COL4A4: variants seen among roughly 807,000 people sequenced by gnomAD.
COL4A4 encodes the protein collagen type IV alpha 4 chain, also known as collagen alpha-4(IV) chain.
In COL4A4, 105 loss-of-function variants were observed where a neutral mutation model predicts 192.9. That is an observed-to-expected ratio of 0.54 (90% CI 0.46 to 0.64). COL4A4 has a LOEUF of 0.64. COL4A4 is among the 30% of genes least tolerant of loss of function. COL4A4 has a pLI of 0.00. For synonymous variants in COL4A4, 762 were observed against 769.9 expected (o/e 0.99, Z 0.17); for missense variants, 1,967 against 2,169.3 (o/e 0.91, Z 1.85).
intron 29 of COL4A4, among the ~76,000 whole-genome samples, chr2:227,056,484 G>A (rs761005965): frequency 4.6e-5 from 7 of 152,140 alleles, no homozygotes; most frequent in East Asian, 3.9e-4. Context: ...AGTCAGAGCC[G>A]GTGTCTAACA....
intron 19 of COL4A4, among the ~76,000 whole-genome samples, chr2:227,097,491 A>G (rs146440676): frequency 6.5e-4 from 99 of 152,294 alleles, no homozygotes; most frequent in Non-Finnish European, 1.2e-3. Context: ...TATTGGGTTA[A>G]TTTATTTTTT....
chr2:226,997,428 T>A, the COL4A4 span: 1 of 152,174 alleles, frequency 6.6e-6, no homozygotes, highest in East Asian at 1.9e-4. Context: ...TACACAAAGG[T>A]GTGCCTTCTA....
intron 25 of COL4A4, among the ~76,000 whole-genome samples, chr2:227,072,044 C>T (rs2058752004): frequency 6.6e-6 from 1 of 151,672 alleles, no homozygotes; most frequent in South Asian, 2.1e-4. Context: ...TAACAAAGAT[C>T]AGACTGAACC....
chr2:227,002,168 CAAAA>C (rs55908824), downstream of COL4A4, among the ~76,000 whole-genome samples: 15 of 76,162 alleles, frequency 2.0e-4, no homozygotes, highest in South Asian at 5.4e-4. Context: ...GACCCTGTCT[CAAAA>C]AAAAAAAAAA....
intron 28 of COL4A4, 122 bp from the exon 29 acceptor site, chr2:227,057,722 T>C (rs1975826234): frequency 1.9e-6 from 2 of 1,050,870 alleles, no homozygotes; most frequent in Admixed American, 2.0e-5. Context: ...AGTGTTCAAA[T>C]GGGTTAAGTC....
chr2:227,140,307 T>C, intron 3 of COL4A4, 69 bp from the exon 4 acceptor site: 1 of 1,280,194 alleles, frequency 7.8e-7, no homozygotes, highest in Non-Finnish European at 1.1e-6. Flanking sequence ...ACACATACAT[T>C]ATAACAAGCA....
At chr2:227,111,016 GA>G (rs2061173894) in intron 9 of COL4A4, among the ~76,000 whole-genome samples, 2 of 152,148 alleles carry the variant, frequency 1.3e-5, no homozygotes. Flanking sequence ...TGTAAACATC[GA>G]AAAACTGGAA....
chr2:227,093,042 A>G (rs913689055), intron 20 of COL4A4, among the ~76,000 whole-genome samples: 4 of 152,182 alleles, frequency 2.6e-5, no homozygotes, highest in African/African-American at 9.7e-5. Context: ...TATCCATACC[A>G]TGCCTTGTAG....
intron 4 of COL4A4, among the ~76,000 whole-genome samples, chr2:227,122,851 T>A (rs2061871890): frequency 6.6e-6 from 1 of 151,808 alleles, no homozygotes. Flanking sequence ...TGTCACTTTG[T>A]TTATTTTTAT....
intron 25 of COL4A4, among the ~76,000 whole-genome samples, chr2:227,064,983 A>T (rs1421364617): frequency 3.3e-5 from 5 of 152,220 alleles, no homozygotes; most frequent in Non-Finnish European, 5.9e-5. Context: ...TACCGGGTTC[A>T]TCTCACTAGG....
chr2:226,977,346 T>C, the COL4A4 span, among the ~76,000 whole-genome samples: 1 of 152,214 alleles, frequency 6.6e-6, no homozygotes, highest in Admixed American at 6.5e-5. Context: ...TTTTCAGCCT[T>C]GTCTGCCCCA....
chr2:226,995,039 C>A, the COL4A4 span, among the ~76,000 whole-genome samples: 1 of 151,844 alleles, frequency 6.6e-6, no homozygotes, highest in African/African-American at 2.4e-5. Context: ...TCAGAAGAAG[C>A]CAAACCAGCC....
intron 1 of COL4A4, among the ~76,000 whole-genome samples, chr2:227,159,020 G>T (rs2064586771): frequency 6.6e-6 from 1 of 152,144 alleles, no homozygotes; most frequent in Admixed American, 6.5e-5. Flanking sequence ...AATATTCATA[G>T]TAGCTTGATT....
the COL4A4 span, among the ~76,000 whole-genome samples, chr2:226,978,049 C>CCTTTAGAT: frequency 6.6e-6 from 1 of 152,118 alleles, no homozygotes; most frequent in African/African-American, 2.4e-5. Context: ...GGTGTAGTGT[C>CCTTTAGAT]CTCACTGGAG....
intron 4 of COL4A4, among the ~76,000 whole-genome samples, chr2:227,132,995 C>T (rs2062579632): frequency 6.6e-6 from 1 of 152,076 alleles, no homozygotes; most frequent in Non-Finnish European, 1.5e-5. Flanking sequence ...TTCTATTTTC[C>T]TATATAGTAG....
intron 14 of COL4A4, 97 bp downstream of exon 14, chr2:227,103,047 G>A (rs1417820307): frequency 8.7e-7 from 1 of 1,153,406 alleles, no homozygotes; most frequent in Non-Finnish European, 1.3e-6. Context: ...ATATATATTA[G>A]CACTTAAAGC....
At chr2:227,012,971 CTT>C (rs1274779677) in intron 44 of COL4A4, among the ~76,000 whole-genome samples, 4 of 152,198 alleles carry the variant, frequency 2.6e-5, no homozygotes, top group Admixed American at 2.6e-4. Context: ...GGAGAGGAAA[CTT>C]AGGCCCAAGG....
At chr2:227,154,745 G>A (rs1412139295) in intron 1 of COL4A4, among the ~76,000 whole-genome samples, 1 of 152,160 alleles carries the variant, frequency 6.6e-6, no homozygotes, top group East Asian at 1.9e-4. Flanking sequence ...AATAAGCAGA[G>A]GATCTCAGAG....
chr2:226,999,534 T>C (rs1450697042), downstream of COL4A4, among the ~76,000 whole-genome samples: 1 of 152,220 alleles, frequency 6.6e-6, no homozygotes, highest in Non-Finnish European at 1.5e-5. Flanking sequence ...TGTGCTAACA[T>C]TTTTTCCTTC....
Sources: allele counts gnomAD v4.1 joint callset (sites outside exome capture counted in the v4.1 genomes callset), GRCh38; gene constraint gnomAD v4.1.1; transcripts MANE v1.5; gene names NCBI Gene and HGNC (gene_info 2026-07-23, HGNC 2026-07-21).